Variants in CAMTA1 observed in about 807,000 individuals in gnomAD.
CAMTA1 encodes calmodulin-binding transcription activator 1.
A neutral mutation model predicts 170.9 loss-of-function variants in CAMTA1; 27 were observed. The observed-to-expected ratio is 0.16, with a 90% CI of 0.12 to 0.22. The LOEUF is 0.22. Ranked by LOEUF, CAMTA1 falls within the 10% of genes least tolerant of loss-of-function variation. The pLI is 1.00. For synonymous variants in CAMTA1, 833 were observed against 891.5 expected, an observed-to-expected ratio of 0.93 and a Z score of 1.17; for missense variants, 1,619 against 2,217.2, an observed-to-expected ratio of 0.73 and a Z score of 5.42.
At position 7,440,652 on chromosome 1, in the gene CAMTA1, T is replaced by TCC. The variant is rs1023892698; in HGVS notation, c.439-27175_439-27174dup. On this transcript the variant is annotated intron_variant, in intron 5 of 22. Coordinates refer to ENST00000303635, the MANE Select transcript of CAMTA1 (RefSeq NM_015215.4). ...AAGAGAGCAGCAGGTGAAGGTGTGG[T>TCC]CCCCGGATCCCAGCACCTGGAAGCT... Among the ~76,000 whole-genome samples the TCC allele has an allele frequency of 8.5e-5, 13 of 152,284 alleles. No individual in the cohort carries two copies. The South Asian group carries it at 1.2e-3, about 15-fold the overall frequency.
intron 3 of CAMTA1, among the ~76,000 whole-genome samples, chr1:6,841,871 A>G (rs1454325119): frequency 2.6e-5 from 4 of 152,210 alleles, no homozygotes; most frequent in Admixed American, 2.6e-4. Flanking sequence ...CGCCTGGGTC[A>G]GTGGACAGGA....
At position 7,014,597 on chromosome 1, in the gene CAMTA1, G is replaced by A. The variant is rs1262658705; in HGVS notation, c.235-76707G>A. Reference sequence around the variant, plus strand: ...ATGGCCGAGCTTCTGTTTTAAGGCAGCAAAACAGCGTGCGAGCTTGGTCCC... The same window carrying A: ...ATGGCCGAGCTTCTGTTTTAAGGCAACAAAACAGCGTGCGAGCTTGGTCCC... On this transcript the variant is annotated intron_variant, in intron 3 of 22. Coordinates refer to ENST00000303635, the MANE Select transcript of CAMTA1 (RefSeq NM_015215.4). The surrounding 1 kb of genome is among the most constrained non-coding windows in gnomAD (Gnocchi z 4.2). Among the ~76,000 whole-genome samples, 2 of 152,208 alleles carry A rather than the reference G, an allele frequency of 1.3e-5. No homozygotes were observed. Among genetic ancestry groups the A allele is most frequent in the African/African-American group, 4.8e-5 (2 of 41,466 alleles).
At chr1:7,459,567 C>T (rs752072184) in intron 5 of CAMTA1, among the ~76,000 whole-genome samples, 1 of 152,202 alleles carries the variant, frequency 6.6e-6, no homozygotes. Flanking sequence ...TTACCCCCTT[C>T]TGTGAGCCCC....
chr1:7,400,595 G>A (rs2089819901), intron 5 of CAMTA1, among the ~76,000 whole-genome samples: 1 of 151,950 alleles, frequency 6.6e-6, no homozygotes, highest in Non-Finnish European at 1.5e-5. Context: ...TACATCTGGT[G>A]GAATGGTCAC....
At chr1:6,800,767 A>G (rs1471927624) in intron 1 of CAMTA1, among the ~76,000 whole-genome samples, 4 of 152,212 alleles carry the variant, frequency 2.6e-5, no homozygotes, top group African/African-American at 7.2e-5. Flanking sequence ...ATCATATCAC[A>G]TCTTCACTTG....
chr1:6,854,540 G>A (rs1171398816), intron 3 of CAMTA1, among the ~76,000 whole-genome samples: 1 of 152,160 alleles, frequency 6.6e-6, no homozygotes, highest in East Asian at 1.9e-4. Flanking sequence ...ATGAAATATG[G>A]AATATAATGA....
chr1:7,018,133 C>A (rs1297940536), intron 3 of CAMTA1, among the ~76,000 whole-genome samples: 2 of 152,088 alleles, frequency 1.3e-5, no homozygotes, highest in Non-Finnish European at 2.9e-5. Flanking sequence ...CTGGCTAATG[C>A]CAGGGCTTTT....
intron 6 of CAMTA1, among the ~76,000 whole-genome samples, chr1:7,496,131 G>T (rs1234690922): frequency 1.3e-5 from 2 of 152,218 alleles, no homozygotes; most frequent in Non-Finnish European, 2.9e-5. Flanking sequence ...GAGCTGTGTG[G>T]CCATCCTCTC....
chr1:7,267,893 G>A (rs1309550746), intron 5 of CAMTA1, among the ~76,000 whole-genome samples: 1 of 152,130 alleles, frequency 6.6e-6, no homozygotes, highest in Non-Finnish European at 1.5e-5. Context: ...GAACCCAAGG[G>A]GTAGAGCTAA....
At chr1:7,555,310 G>A (rs1240215913) in intron 6 of CAMTA1, among the ~76,000 whole-genome samples, 1 of 152,104 alleles carries the variant, frequency 6.6e-6, no homozygotes, top group East Asian at 1.9e-4. Flanking sequence ...TTATTTGGGG[G>A]TGCATGTGGG....
chr1:6,986,965 T>TGC (rs1158797496), intron 3 of CAMTA1, among the ~76,000 whole-genome samples: 2 of 152,090 alleles, frequency 1.3e-5, no homozygotes, highest in East Asian at 3.9e-4. Context: ...CCCAATGGCA[T>TGC]ATGAGACCCC....
chr1:6,902,424 A>G (rs1195048755), intron 3 of CAMTA1, among the ~76,000 whole-genome samples: 1 of 152,190 alleles, frequency 6.6e-6, no homozygotes, highest in East Asian at 1.9e-4. Flanking sequence ...TCTCGAATGC[A>G]TTATGATTAG....
chr1:6,858,024 A>G (rs527364204), intron 3 of CAMTA1, among the ~76,000 whole-genome samples: 7 of 152,342 alleles, frequency 4.6e-5, no homozygotes, highest in East Asian at 1.9e-4. Flanking sequence ...TAAATGCTCA[A>G]TAAAGAATTG....
intron 3 of CAMTA1, among the ~76,000 whole-genome samples, chr1:7,036,828 T>C (rs1474838025): frequency 6.6e-6 from 1 of 152,254 alleles, no homozygotes. Context: ...GTATCACTAC[T>C]GTTTTGTTCT....
chr1:6,888,245 T>G, intron 3 of CAMTA1: 1 of 986,104 alleles, frequency 1.0e-6, no homozygotes, highest in Non-Finnish European at 1.2e-6. Flanking sequence ...TGTTTTTCCT[T>G]TAACTTGCCA....
intron 3 of CAMTA1, among the ~76,000 whole-genome samples, chr1:6,935,143 C>T (rs899730340): frequency 8.5e-5 from 13 of 152,322 alleles, no homozygotes; most frequent in Middle Eastern, 3.4e-3. Context: ...AAATCTCTCA[C>T]GGCGCTGGTT....
chr1:7,345,545 A>G (rs979423548), intron 5 of CAMTA1, among the ~76,000 whole-genome samples: 6 of 152,120 alleles, frequency 3.9e-5, no homozygotes, highest in Non-Finnish European at 5.9e-5. Context: ...AGGTGAGATG[A>G]TGTTGTATCC....
intron 5 of CAMTA1, among the ~76,000 whole-genome samples, chr1:7,308,452 A>G (rs947433518): frequency 1.4e-4 from 22 of 152,108 alleles, no homozygotes; most frequent in African/African-American, 5.3e-4. Flanking sequence ...TTATTGATTG[A>G]AACCTTTCTT....
intron 4 of CAMTA1, among the ~76,000 whole-genome samples, chr1:7,174,284 A>C (rs1055713296): frequency 5.9e-5 from 9 of 152,212 alleles, no homozygotes; most frequent in African/African-American, 1.9e-4. Context: ...AACAAGGAAA[A>C]TTTATGCTTT....
Sources: gnomAD v4.1 joint callset for allele counts (sites outside exome capture counted in the v4.1 genomes callset) on GRCh38, gnomAD v4.1.1 for gene constraint, Gnocchi (gnomAD v3.1) non-coding constraint, MANE v1.5 for transcripts, NCBI Gene and HGNC (gene_info 2026-07-23, HGNC 2026-07-21) for gene names.